TPH2: variants seen among roughly 807,000 people sequenced by gnomAD.
TPH2 encodes tryptophan hydroxylase 2, also known as tryptophan 5-hydroxylase 2.
TPH2 carries 27 observed loss-of-function variants against 59.1 expected under a neutral mutation model. The observed-to-expected ratio is 0.46, with a 90% CI of 0.34 to 0.63. TPH2 has a LOEUF of 0.63. TPH2 is among the 30% of genes least tolerant of loss of function. The pLI, the probability that TPH2 is intolerant of heterozygous loss-of-function variation, is 0.01. For synonymous variants in TPH2, 220 were observed against 210.5 expected (o/e 1.05, Z -0.39); for missense variants, 523 against 588.3 (o/e 0.89, Z 1.15).
chr12:71,957,153 C>T (rs1871531095), intron 5 of TPH2, among the ~76,000 whole-genome samples: 1 of 152,062 alleles, frequency 6.6e-6, no homozygotes, highest in South Asian at 2.1e-4. Context: ...AAAATGGGCA[C>T]AACACCTTGC....
rs77326069 is a variant in TPH2, at chr12:71,955,231, T to C, written c.608+5576T>C. ...ATTTAAAATTCACCGATTCAAATCA[T>C]CCCTTAACATTGCTCAGCCTCAGTT... is the stretch of plus-strand genomic sequence containing the variant. On this transcript the variant is annotated intron_variant, in intron 5 of 10. Transcript: ENST00000333850. Among the ~76,000 whole-genome samples the C allele has an allele frequency of 9.3e-4, 142 of 152,296 alleles. 4 individuals are homozygous for C. In the East Asian group the frequency reaches 0.014, roughly 15 times the overall value.
rs575015213 is a variant in TPH2, at chr12:71,952,995, T to C, written c.608+3340T>C. On this transcript the variant is annotated intron_variant, in intron 5 of 10. Coordinates refer to ENST00000333850, the MANE Select transcript of TPH2 (RefSeq NM_173353.4). ...TTAGTGATGTTAATACCGTTGTTTA[T>C]ATGCCATTTACAAATAATGTAGCTC... Among the ~76,000 whole-genome samples, 10 of 152,354 alleles carry C rather than the reference T, an allele frequency of 6.6e-5. No individual in the cohort carries two copies. In the South Asian group the frequency reaches 2.1e-3, roughly 32 times the overall value.
intron 7 of TPH2, among the ~76,000 whole-genome samples, chr12:71,985,608 A>G (rs1392598047): frequency 1.3e-5 from 2 of 152,250 alleles, no homozygotes; most frequent in East Asian, 3.9e-4. Flanking sequence ...CATGTTGGTC[A>G]GGCTGGTCTC....
intron 6 of TPH2, 145 bp from the exon 7 acceptor site, chr12:71,978,807 C>G (rs1226934391): frequency 2.1e-6 from 2 of 971,854 alleles, no homozygotes; most frequent in Non-Finnish European, 3.3e-6. Flanking sequence ...TAGCTGTTAA[C>G]AGTATATGTC....
intron 9 of TPH2, among the ~76,000 whole-genome samples, chr12:72,027,437 G>C (rs1242910683): frequency 1.3e-5 from 2 of 152,102 alleles, no homozygotes; most frequent in Admixed American, 1.3e-4. Context: ...CACAACCCCA[G>C]GTTATAGATA....
chr12:72,021,105 A>G (rs1360048344), intron 8 of TPH2, among the ~76,000 whole-genome samples: 2 of 152,176 alleles, frequency 1.3e-5, no homozygotes, highest in Non-Finnish European at 2.9e-5. Flanking sequence ...TTAATGCAGG[A>G]CAGTGCTAAT....
intron 1 of TPH2, among the ~76,000 whole-genome samples, chr12:71,941,313 G>GT (rs772409297): frequency 2.0e-5 from 3 of 152,076 alleles, no homozygotes; most frequent in Non-Finnish European, 4.4e-5. Flanking sequence ...CGACAGTCAG[G>GT]TTTTTGTTGC....
rs569836566 is a variant in TPH2, at chr12:71,983,761, C to T, written c.941+4674C>T. Among the ~76,000 whole-genome samples, 9 of 150,544 alleles carry T rather than the reference C, an allele frequency of 6.0e-5. No homozygotes were observed. In the South Asian group the frequency reaches 1.9e-3, roughly 33 times the overall value. ...AGAAAGAGAGAGAGAGAGAGACAGA[C>T]AGACAGACACACACAGAGAGAGAGA... On this transcript the variant is annotated intron_variant, in intron 7 of 10. Coordinates refer to ENST00000333850, the MANE Select transcript of TPH2 (RefSeq NM_173353.4).
chr12:71,943,076 G>A (rs148601466), intron 2 of TPH2, among the ~76,000 whole-genome samples: 57 of 152,192 alleles, frequency 3.7e-4, no homozygotes, highest in African/African-American at 1.3e-3. Context: ...AAAGCCCAAC[G>A]TGACACAATG....
At chr12:71,983,288 G>A (rs909488049) in intron 7 of TPH2, among the ~76,000 whole-genome samples, 2 of 152,196 alleles carry the variant, frequency 1.3e-5, no homozygotes, top group African/African-American at 4.8e-5. Context: ...CTGAGGCAAT[G>A]AATCTGCATT....
chr12:72,009,176 C>A (rs1211707579), intron 8 of TPH2, among the ~76,000 whole-genome samples: 1 of 152,108 alleles, frequency 6.6e-6, no homozygotes, highest in Non-Finnish European at 1.5e-5. Context: ...TGATCCTCCC[C>A]TGGGAAGTGG....
Position 71,944,481 on chromosome 12 carries a change from AG to A in TPH2, c.439+7del. On this transcript the variant is annotated splice_donor_5th_base_variant and intron_variant, in intron 3 of 10. Transcript: ENST00000333850. ...AACATTTGGACAGAGGAAGAAGGCA[AG>A]GGTGGTCTTAGCTTGTCGGGTAACT... 1 of 1,613,970 alleles carries A rather than the reference AG, an allele frequency of 6.2e-7. No individual in the cohort carries two copies. Among genetic ancestry groups the A allele is most frequent in the South Asian group, 1.1e-5 (1 of 91,082 alleles).
chr12:71,944,611 T>C lies in TPH2; in HGVS notation c.465T>C (p.Pro155=). The C allele has an allele frequency of 6.2e-7, 1 of 1,613,944 alleles. No homozygotes were observed. The highest frequency in any genetic ancestry group is 8.5e-7 in the Non-Finnish European group (1 of 1,179,854). Residue 155 remains proline, a synonymous_variant, in exon 4 of 11, where the codon CCT becomes CCC. Transcript: ENST00000333850. ...AGCTAGAGGATGTGCCCTGGTTCCC[T>C]CGGAAGATCTCTGAGTTAGACAAAT... is the stretch of plus-strand genomic sequence containing the variant. The part of the protein sequence containing the change: ...EEELEDVPWF[P]RKISELDKCS...
chr12:71,949,738 C>T (rs907735851), intron 5 of TPH2, 83 bp downstream of exon 5: 18 of 1,243,108 alleles, frequency 1.4e-5, no homozygotes, highest in Middle Eastern at 3.9e-4. Context: ...CATCTCTTCA[C>T]TTTAACTTTT....
chr12:71,964,827 T>A lies in TPH2; in HGVS notation c.609-7692T>A, dbSNP rs138605283. 840 of 769,252 alleles carry A rather than the reference T, an allele frequency of 1.1e-3. 13 individuals carry two copies. The African/African-American group carries it at 0.015, about 14-fold the overall frequency. 47.7% of individuals were successfully genotyped at this position (769,252 alleles called of 1,614,324 possible). On this transcript the variant is annotated intron_variant, in intron 5 of 10. Transcript: ENST00000333850. ...AGGTTTAGGGGTACATGTGAAGGTT[T>A]GTTACATAGGTAAACACATGTCATG...
At chr12:71,973,615 C>T (rs143522674) in intron 6 of TPH2, among the ~76,000 whole-genome samples, 1 of 152,186 alleles carries the variant, frequency 6.6e-6, no homozygotes, top group Non-Finnish European at 1.5e-5. Flanking sequence ...GGGCAACCAG[C>T]GATCCATTCC....
intron 6 of TPH2, among the ~76,000 whole-genome samples, chr12:71,974,525 G>T (rs73142553): frequency 0.27 from 29,261 of 109,870 alleles, 3,270 homozygotes; most frequent in East Asian, 0.44. Context: ...GCCTCCCTCT[G>T]ATAAGGACTC....
At chr12:71,944,801 TC>T in intron 4 of TPH2, 115 bp downstream of exon 4, 2 of 992,542 alleles carry the variant, frequency 2.0e-6, no homozygotes, top group Non-Finnish European at 3.2e-6. Context: ...TATTATTTAT[TC>T]CCCATAACTG....
At chr12:72,020,156 G>C (rs776519553) in intron 8 of TPH2, among the ~76,000 whole-genome samples, 2 of 152,174 alleles carry the variant, frequency 1.3e-5, no homozygotes, top group African/African-American at 4.8e-5. Context: ...TGTTACAAAG[G>C]GGGTGGGAGT....
Sources: allele counts gnomAD v4.1 joint callset (sites outside exome capture counted in the v4.1 genomes callset), GRCh38; gene constraint gnomAD v4.1.1; transcripts MANE v1.5; gene names NCBI Gene and HGNC (gene_info 2026-07-23, HGNC 2026-07-21).